Variants in FER1L6 observed in about 807,000 individuals in gnomAD.
FER1L6 encodes the protein fer-1 like family member 6, also known as fer-1-like protein 6.
Under a neutral mutation model 219.2 loss-of-function variants are expected in FER1L6, and 177 were observed. The observed-to-expected ratio is 0.81, with a 90% confidence interval of 0.71 to 0.91. The LOEUF is 0.91. FER1L6 is among the 40% of genes least tolerant of loss of function. The pLI is 0.00. For missense variants in FER1L6, 2,153 were observed against 2,259.9 expected, an observed-to-expected ratio of 0.95 and a Z score of 0.96; for synonymous variants, 768 against 824.3, an observed-to-expected ratio of 0.93 and a Z score of 1.17.
intron 1 of FER1L6, among the ~76,000 whole-genome samples, chr8:123,924,117 C>T (rs2129861190): frequency 6.6e-6 from 1 of 151,054 alleles, no homozygotes; most frequent in Admixed American, 6.6e-5. Context: ...TGCCTGTAGT[C>T]CCAGCTACTC....
At chr8:124,031,042 T>TACAACA (rs1267124130) in intron 18 of FER1L6, among the ~76,000 whole-genome samples, 10 of 152,106 alleles carry the variant, frequency 6.6e-5, no homozygotes, top group African/African-American at 1.2e-4. Flanking sequence ...CTCTGTTGTG[T>TACAACA]TTTCTTTTTT....
chr8:124,103,168 C>T lies in FER1L6; in HGVS notation c.5148C>T (p.Asn1716=). ...CAGGCACCCTGGAAATGAACCTCAA[C>T]AGTTTCCCTCGAGCAGCTAAGTCTG... is the stretch of plus-strand genomic sequence containing the variant. The part of the protein sequence containing the change: ...DFLGTLEMNL[N]SFPRAAKSAK... Residue 1716 remains asparagine (N), a synonymous_variant, in exon 39 of 41, where the codon AAC becomes AAT. Transcript: ENST00000522917. 1 of 1,614,076 alleles carries T rather than the reference C, an allele frequency of 6.2e-7. No homozygotes were observed. The highest frequency in any genetic ancestry group is 1.1e-5 in the South Asian group (1 of 91,066).
chr8:123,933,718 A>G (rs1161538084), intron 1 of FER1L6, among the ~76,000 whole-genome samples: 1 of 152,252 alleles, frequency 6.6e-6, no homozygotes, highest in Non-Finnish European at 1.5e-5. Context: ...TCATGTAACT[A>G]TCACTCAGAT....
intron 37 of FER1L6, among the ~76,000 whole-genome samples, chr8:124,099,745 C>T (rs982483507): frequency 2.0e-5 from 3 of 152,188 alleles, no homozygotes; most frequent in Non-Finnish European, 4.4e-5. Context: ...GTCCTTAATA[C>T]ATCCTAAAAT....
chr8:124,024,882 TTTTAATAATGG>T (rs1818634635), intron 18 of FER1L6, among the ~76,000 whole-genome samples: 1 of 152,224 alleles, frequency 6.6e-6, no homozygotes, highest in South Asian at 2.1e-4. Context: ...TTTTTTGACT[TTTTAATAATGG>T]CCATTCTAGC....
At chr8:124,040,070 C>A (rs1586625610) in intron 20 of FER1L6, 64 bp downstream of exon 20, 1 of 1,603,032 alleles carries the variant, frequency 6.2e-7, no homozygotes, top group Non-Finnish European at 8.5e-7. Context: ...CACAGAAGAT[C>A]CCAGGAAAGA....
intron 33 of FER1L6, among the ~76,000 whole-genome samples, chr8:124,087,258 C>G (rs765055699): frequency 6.6e-6 from 1 of 150,538 alleles, no homozygotes; most frequent in Non-Finnish European, 1.5e-5. Context: ...TGTAGGCATG[C>G]TTCATTCTTT....
intron 1 of FER1L6, among the ~76,000 whole-genome samples, chr8:123,884,784 C>T (rs1018423132): frequency 1.2e-4 from 19 of 152,098 alleles, no homozygotes; most frequent in African/African-American, 4.3e-4. Context: ...CCTTGCCGTC[C>T]CTTCCTCCTC....
At chr8:123,952,474 GTA>G (rs1202202171) in intron 1 of FER1L6, among the ~76,000 whole-genome samples, 2 of 152,204 alleles carry the variant, frequency 1.3e-5, no homozygotes, top group African/African-American at 4.8e-5. Context: ...GACCAGGTTG[GTA>G]TGAGGGTTCC....
chr8:124,026,160 G>A (rs973821381), intron 18 of FER1L6, among the ~76,000 whole-genome samples: 1 of 152,006 alleles, frequency 6.6e-6, no homozygotes, highest in Non-Finnish European at 1.5e-5. Context: ...TGGAGGCCCT[G>A]GGTATTTTAC....
chr8:124,046,012 C>T (rs1819715248), intron 21 of FER1L6, 111 bp downstream of exon 21: 4 of 1,323,084 alleles, frequency 3.0e-6, no homozygotes, highest in Non-Finnish European at 4.1e-6. Context: ...GTGGTGAGAA[C>T]ACTAGATGTA....
intron 40 of FER1L6, 93 bp downstream of exon 40, chr8:124,119,037 C>T: frequency 9.5e-7 from 1 of 1,049,692 alleles, no homozygotes; most frequent in Non-Finnish European, 1.4e-6. Context: ...TAGAGCAGCC[C>T]TGTGGGAGAA....
chr8:124,008,013 G>A (rs373088604), intron 13 of FER1L6, among the ~76,000 whole-genome samples: 1 of 152,120 alleles, frequency 6.6e-6, no homozygotes. Context: ...CTTTAGTAGT[G>A]ACTTGTGAGA....
chr8:124,013,302 A>T, intron 14 of FER1L6, 129 bp from the exon 15 acceptor site: 1 of 522,650 alleles, frequency 1.9e-6, no homozygotes, highest in Non-Finnish European at 3.4e-6. Context: ...CAAGAAAACT[A>T]GATAAATCCT....
In FER1L6 at chr8:123,935,153, A is replaced by G. The variant is rs150707472; in HGVS notation, c.-7-20839A>G. 8.5e-5 allele frequency among the ~76,000 whole-genome samples: 13 copies of G among 152,210 alleles called. No individual in the cohort carries two copies. The East Asian group carries it at 2.1e-3, about 25-fold the overall frequency. On this transcript the variant is annotated intron_variant, in intron 1 of 40. Transcript: ENST00000522917. ...TAAGTTTTTTTCTTTTATTTCCTCT[A>G]TGTAAAAAAATATATTTCTCCTCTC...
chr8:123,859,476 A>G (rs181817160), intron 1 of FER1L6, among the ~76,000 whole-genome samples: 23 of 151,540 alleles, frequency 1.5e-4, no homozygotes, highest in African/African-American at 2.9e-4. Flanking sequence ...ACTATGATCC[A>G]TATCCTCCTT....
intron 32 of FER1L6, among the ~76,000 whole-genome samples, chr8:124,078,265 C>T (rs931256528): frequency 1.4e-4 from 21 of 152,084 alleles, no homozygotes; most frequent in African/African-American, 4.6e-4. Flanking sequence ...TAATGGGGCC[C>T]TATCTCCACG....
intron 15 of FER1L6, 112 bp from the exon 16 acceptor site, chr8:124,017,516 A>G (rs895645295): frequency 6.7e-6 from 5 of 750,176 alleles, no homozygotes; most frequent in Middle Eastern, 2.6e-4. Flanking sequence ...TATTGGTTTT[A>G]TGGCTTCAAA....
intron 39 of FER1L6, among the ~76,000 whole-genome samples, chr8:124,109,747 G>A (rs1476191263): frequency 6.6e-6 from 1 of 152,148 alleles, no homozygotes; most frequent in African/African-American, 2.4e-5. Flanking sequence ...CAGGGCTTTG[G>A]TAGGATATCC....
Sources: allele counts gnomAD v4.1 joint callset (sites outside exome capture counted in the v4.1 genomes callset), GRCh38; gene constraint gnomAD v4.1.1; transcripts MANE v1.5; gene names NCBI Gene and HGNC (gene_info 2026-07-23, HGNC 2026-07-21).